PCDH15: variants seen among roughly 807,000 people sequenced by gnomAD.
The protein encoded by PCDH15 is protocadherin related 15, also known as protocadherin-15.
PCDH15 carries 129 observed loss-of-function variants against 178.5 expected under a neutral mutation model. The observed-to-expected ratio is 0.72, with a 90% confidence interval of 0.63 to 0.84. The LOEUF (loss-of-function observed/expected upper bound fraction) is 0.84. Among genes scored for constraint, PCDH15 ranks in the 40% least tolerant of loss-of-function variants. The pLI is 0.00. For synonymous variants in PCDH15, 800 were observed against 732.0 expected (o/e 1.09, Z -1.50); for missense variants, 2,230 against 2,099.9 (o/e 1.06, Z -1.21).
intron 1 of PCDH15, among the ~76,000 whole-genome samples, chr10:54,775,578 T>TA (rs1949599464): frequency 6.6e-6 from 1 of 152,222 alleles, no homozygotes; most frequent in Non-Finnish European, 1.5e-5. Context: ...TTGATCATTC[T>TA]ATCTAGCTGT....
intron 2 of PCDH15, among the ~76,000 whole-genome samples, chr10:55,348,188 T>G (rs1446581182): frequency 2.0e-5 from 3 of 152,152 alleles, no homozygotes; most frequent in African/African-American, 7.2e-5. Flanking sequence ...TATTTAAATT[T>G]AATTCAATTT....
Position 53,823,256 on chromosome 10 carries a change from A to AATAGTATT in PCDH15, c.4368-3034_4368-3027dup, listed in dbSNP as rs774056663. 6.4e-5 allele frequency: 103 copies of AATAGTATT among 1,613,898 alleles called. 1 individual carries two copies. The highest frequency in any genetic ancestry group is 8.6e-5 in the Non-Finnish European group (102 of 1,179,942). ...CTACATGAGCTGACTTGTGAGCCTC[A>AATAGTATT]ATAGTATTGGAAGAAAAGGGCATCA... On this transcript the variant is annotated intron_variant, in intron 32 of 37. Transcript: ENST00000644397.
At chr10:54,316,276 A>G (rs896297947) in intron 8 of PCDH15, among the ~76,000 whole-genome samples, 3 of 152,000 alleles carry the variant, frequency 2.0e-5, no homozygotes, top group Non-Finnish European at 4.4e-5. Context: ...ATATTATAAC[A>G]TTGGATAAGC....
At chr10:54,037,841 A>T (rs2093452608) in intron 18 of PCDH15, among the ~76,000 whole-genome samples, 1 of 152,144 alleles carries the variant, frequency 6.6e-6, no homozygotes, top group East Asian at 1.9e-4. Flanking sequence ...GTCTAAATGG[A>T]GACTGAAGTT....
intron 2 of PCDH15, among the ~76,000 whole-genome samples, chr10:55,361,878 C>A (rs1195974505): frequency 2.0e-5 from 3 of 152,002 alleles, no homozygotes; most frequent in African/African-American, 7.2e-5. Context: ...TACCCAAGAT[C>A]ATATAAAATA....
At chr10:54,870,907 C>G (rs1483957006) in intron 3 of PCDH15, among the ~76,000 whole-genome samples, 3 of 152,132 alleles carry the variant, frequency 2.0e-5, no homozygotes, top group Non-Finnish European at 4.4e-5. Context: ...AAAAGCCCCT[C>G]AAACTGTTAT....
At position 54,132,976 on chromosome 10, in the gene PCDH15, G is replaced by T. The variant is rs748924040; in HGVS notation, c.1816C>A (p.Leu606Ile). ...GGAGGGCTTTGATTATTTGGTGGAA[G>T]CACTTCAATATACACAGTGCAGATG... The part of the protein sequence containing the change: ...NSICTVYIEV[L>I]PPNNQSPPRF... Residue 606 changes from leucine (L) to isoleucine (I), a missense_variant, in exon 15 of 38, where the codon CTT becomes ATT. Leu to Ile is a conservative substitution (Grantham distance 5). Transcript: ENST00000644397. 1 of 1,614,068 alleles carries T rather than the reference G, an allele frequency of 6.2e-7. No individual in the cohort carries two copies. Among genetic ancestry groups the T allele is most frequent in the Admixed American group, 1.7e-5 (1 of 60,010 alleles).
intron 2 of PCDH15, among the ~76,000 whole-genome samples, chr10:54,659,037 G>T (rs1044970651): frequency 3.3e-5 from 5 of 151,868 alleles, no homozygotes; most frequent in African/African-American, 1.2e-4. Flanking sequence ...TAAAAAAAAA[G>T]ACAAAGAAAG....
At chr10:54,430,201 A>G (rs1270701567) in intron 3 of PCDH15, among the ~76,000 whole-genome samples, 1 of 151,910 alleles carries the variant, frequency 6.6e-6, no homozygotes, top group African/African-American at 2.4e-5. Flanking sequence ...GATTACAGGC[A>G]TGTGCCACCA....
At chr10:54,569,199 C>A (rs2089458193) in intron 2 of PCDH15, among the ~76,000 whole-genome samples, 1 of 151,912 alleles carries the variant, frequency 6.6e-6, no homozygotes, top group South Asian at 2.1e-4. Flanking sequence ...TACTATTGAA[C>A]TTTTTATAAA....
At chr10:55,033,837 A>G (rs1259733507) in intron 2 of PCDH15, among the ~76,000 whole-genome samples, 2 of 152,164 alleles carry the variant, frequency 1.3e-5, no homozygotes, top group African/African-American at 2.4e-5. Context: ...GGCGTTGCCA[A>G]TGTGATAGTA....
rs562731025 is a variant in PCDH15 at position 54,462,512 on chromosome 10, C to CTTTTTTTTT, written c.157+65291_157+65299dup. Among the ~76,000 whole-genome samples the CTTTTTTTTT allele has an allele frequency of 1.2e-3, 79 of 66,828 alleles. 1 individual carries two copies. Among genetic ancestry groups the CTTTTTTTTT allele is most frequent in the Admixed American group, 1.6e-3 (7 of 4,418 alleles). The allele number at this position is 66,828 out of a possible 152,430, so 43.8% of individuals were successfully genotyped here. A position where few individuals can be genotyped will look rare whatever the true frequency, so the allele number is the denominator to read the frequency against. ...TTTCTTTTCTTTTTCTTTTTCTTTT[C>CTTTTTTTTT]TTTTTTTTTTTTTTTTTTTTGAGAT... is the stretch of plus-strand genomic sequence containing the variant. On this transcript the variant is annotated intron_variant, in intron 3 of 37. Coordinates refer to ENST00000644397, the MANE Select transcript of PCDH15 (RefSeq NM_001384140.1).
chr10:54,256,150 G>T lies in PCDH15; in HGVS notation c.877-19219C>A, dbSNP rs10825285. ...CCACAATAAACCACTTGGGAATCAG[G>T]TGATGTCTAAGACTCATCTTTGAAG... On this transcript the variant is annotated intron_variant, in intron 8 of 37. Transcript: ENST00000644397. 6.1e-4 allele frequency among the ~76,000 whole-genome samples: 93 copies of T among 152,210 alleles called. 1 individual carries two copies. The South Asian group carries it at 0.017, about 28-fold the overall frequency.
chr10:55,380,356 G>A (rs1354690953), intron 2 of PCDH15, among the ~76,000 whole-genome samples: 1 of 152,150 alleles, frequency 6.6e-6, no homozygotes, highest in East Asian at 1.9e-4. Flanking sequence ...GGTGATTAAT[G>A]ATACAGGGTG....
intron 1 of PCDH15, among the ~76,000 whole-genome samples, chr10:55,254,563 G>C (rs1841937107): frequency 6.6e-6 from 1 of 152,126 alleles, no homozygotes; most frequent in Non-Finnish European, 1.5e-5. Flanking sequence ...TCTACTATTT[G>C]GTCAAGACAG....
chr10:54,821,867 T>C (rs1439326984), intron 3 of PCDH15, among the ~76,000 whole-genome samples: 1 of 152,134 alleles, frequency 6.6e-6, no homozygotes, highest in African/African-American at 2.4e-5. Context: ...TTGTTTCTTT[T>C]GGTATGGTGA....
In PCDH15 at chr10:55,299,037, T is replaced by A. The variant is rs1023269985; in HGVS notation, c.-156+20562A>T. 3.3e-5 allele frequency among the ~76,000 whole-genome samples: 5 copies of A among 152,340 alleles called. No homozygotes were observed. The East Asian group carries it at 7.7e-4, about 23-fold the overall frequency. ...GCTACTTACAACATAGTATGCAGGC[T>A]AACAGCTGATTTCTAAAATATTATT... On this transcript the variant is annotated intron_variant, in intron 1 of 5. Coordinates refer to the PCDH15 transcript ENST00000458638.
chr10:54,767,828 A>G (rs925312149), intron 1 of PCDH15, among the ~76,000 whole-genome samples: 2 of 152,186 alleles, frequency 1.3e-5, no homozygotes, highest in Non-Finnish European at 2.9e-5. Context: ...AGAAATTGTC[A>G]TAGCCATGAG....
chr10:55,465,246 G>T (rs1364841689), intron 2 of PCDH15, among the ~76,000 whole-genome samples: 1 of 152,156 alleles, frequency 6.6e-6, no homozygotes, highest in Non-Finnish European at 1.5e-5. Flanking sequence ...TGGCATTCTT[G>T]AGTCCAAAAC....
Sources: gnomAD v4.1 joint callset for allele counts (sites outside exome capture counted in the v4.1 genomes callset) on GRCh38, gnomAD v4.1.1 for gene constraint, MANE v1.5 for transcripts, NCBI Gene and HGNC (gene_info 2026-07-23, HGNC 2026-07-21) for gene names.